Variants in MICAL2 observed in about 807,000 individuals in gnomAD.
MICAL2 encodes the protein [F-actin]-monooxygenase MICAL2.
MICAL2 carries 77 observed loss-of-function variants against 127.3 expected under a neutral mutation model. The observed-to-expected ratio is 0.60, with a 90% CI of 0.50 to 0.73. MICAL2 has a LOEUF of 0.73. Ranked by LOEUF, MICAL2 falls within the 30% of genes least tolerant of loss-of-function variation. The pLI, the probability that MICAL2 is intolerant of heterozygous loss-of-function variation, is 0.00. For synonymous variants in MICAL2, 570 were observed against 551.1 expected (o/e 1.03, Z -0.48); for missense variants, 1,351 against 1,434.4 (o/e 0.94, Z 0.94).
chr11:12,188,548 C>G (rs1858633028), intron 3 of MICAL2, among the ~76,000 whole-genome samples: 1 of 152,124 alleles, frequency 6.6e-6, no homozygotes, highest in Admixed American at 6.5e-5. Context: ...TTATCTGGTC[C>G]CAAATGTAGT....
intron 13 of MICAL2, chr11:12,225,808 A>G (rs961066160): frequency 7.5e-5 from 22 of 291,434 alleles, no homozygotes; most frequent in African/African-American, 4.1e-4. Context: ...TATATGCTAT[A>G]TAACTTGATG....
downstream of MICAL2, among the ~76,000 whole-genome samples, chr11:12,265,597 C>A (rs1435312282): frequency 6.6e-6 from 1 of 152,086 alleles, no homozygotes; most frequent in East Asian, 1.9e-4. Flanking sequence ...CAAAGAAGTT[C>A]ATTGCATGGT....
At chr11:12,206,209 G>A (rs191225319) in intron 4 of MICAL2, among the ~76,000 whole-genome samples, 14 of 152,250 alleles carry the variant, frequency 9.2e-5, no homozygotes, top group Admixed American at 2.0e-4. Flanking sequence ...AAGTTCTCTT[G>A]GGGGGCAGAA....
intron 1 of MICAL2, among the ~76,000 whole-genome samples, chr11:12,135,576 C>T (rs1565012084): frequency 6.6e-6 from 1 of 152,208 alleles, no homozygotes; most frequent in Non-Finnish European, 1.5e-5. Flanking sequence ...TGGGTGCTAA[C>T]ATCATCCACA....
At chr11:12,318,832 C>G (rs1590735580) in intron 29 of MICAL2, among the ~76,000 whole-genome samples, 1 of 152,242 alleles carries the variant, frequency 6.6e-6, no homozygotes, top group South Asian at 2.1e-4. Context: ...CACACATGGT[C>G]CCCGGCCAGA....
chr11:12,130,867 T>C (rs1338871210), intron 1 of MICAL2, among the ~76,000 whole-genome samples: 2 of 152,108 alleles, frequency 1.3e-5, no homozygotes, highest in Non-Finnish European at 2.9e-5. Context: ...CTTATGGAGG[T>C]GGACCCTGAT....
chr11:12,208,704 T>C (rs1457828815), intron 5 of MICAL2, among the ~76,000 whole-genome samples: 1 of 152,258 alleles, frequency 6.6e-6, no homozygotes, highest in Non-Finnish European at 1.5e-5. Flanking sequence ...TTTAAATTCT[T>C]ATCCCTTACA....
intron 32 of MICAL2, among the ~76,000 whole-genome samples, chr11:12,330,461 T>A (rs1864402752): frequency 6.6e-6 from 1 of 152,128 alleles, no homozygotes; most frequent in Non-Finnish European, 1.5e-5. Flanking sequence ...TCTGCGACAG[T>A]TATGCAAGGC....
intron 20 of MICAL2, among the ~76,000 whole-genome samples, chr11:12,243,617 C>T (rs996909814): frequency 6.6e-6 from 1 of 152,224 alleles, no homozygotes; most frequent in African/African-American, 2.4e-5. Flanking sequence ...GCTGTGGCCA[C>T]CTGCCCTAAA....
At chr11:12,259,635 C>A (rs1372789969) in intron 25 of MICAL2, 160 bp from the exon 26 acceptor site, 5 of 589,518 alleles carry the variant, frequency 8.5e-6, no homozygotes, top group Non-Finnish European at 1.4e-5. Context: ...GAAAAGTGCC[C>A]GTGTTCAGCA....
At chr11:12,228,561 T>A (rs1305646356) in intron 15 of MICAL2, among the ~76,000 whole-genome samples, 1 of 152,082 alleles carries the variant, frequency 6.6e-6, no homozygotes, top group Non-Finnish European at 1.5e-5. Flanking sequence ...GGGAGAAAAC[T>A]GAGAACCAAG....
chr11:12,121,287 CG>C (rs1850488262), intron 1 of MICAL2, among the ~76,000 whole-genome samples: 1 of 152,126 alleles, frequency 6.6e-6, no homozygotes, highest in East Asian at 1.9e-4. Flanking sequence ...ATAGGGCAGT[CG>C]AGGTGCTGAG....
chr11:12,184,144 T>C (rs1203664033), intron 3 of MICAL2, among the ~76,000 whole-genome samples: 2 of 152,152 alleles, frequency 1.3e-5, no homozygotes, highest in African/African-American at 4.8e-5. Flanking sequence ...AATTGAAAAA[T>C]GATAATAGTC....
chr11:12,320,390 A>T (rs779807367), intron 30 of MICAL2, among the ~76,000 whole-genome samples: 7 of 152,206 alleles, frequency 4.6e-5, no homozygotes, highest in Non-Finnish European at 7.3e-5. Context: ...TCCATAGATT[A>T]AAAAAACACA....
intron 29 of MICAL2, among the ~76,000 whole-genome samples, chr11:12,316,165 A>G (rs1322216555): frequency 6.6e-6 from 1 of 152,028 alleles, no homozygotes; most frequent in Non-Finnish European, 1.5e-5. Flanking sequence ...TATATTTAAA[A>G]TGAATTTATT....
rs151127033 is a variant in MICAL2, at chr11:12,232,768, A to G, written c.1996-3409A>G. ...AAATTATGTTACTAACACTAGCCTCACTAATAGTGTCTAATACTTGTACAG... is the reference window on the plus strand; with the variant it reads ...AAATTATGTTACTAACACTAGCCTCGCTAATAGTGTCTAATACTTGTACAG... On this transcript the variant is annotated intron_variant, in intron 15 of 27. Transcript: ENST00000683283. Among the ~76,000 whole-genome samples, 4 of 152,334 alleles carry G rather than the reference A, an allele frequency of 2.6e-5. No homozygotes were observed. In the East Asian group the frequency reaches 7.7e-4, roughly 29 times the overall value.
At chr11:12,344,910 A>G (rs985452879) in intron 32 of MICAL2, among the ~76,000 whole-genome samples, 3 of 151,402 alleles carry the variant, frequency 2.0e-5, no homozygotes, top group African/African-American at 7.3e-5. Flanking sequence ...TATGGAGACC[A>G]TCATGGCTAA....
rs150653718 is a variant in MICAL2 at position 12,204,998 on chromosome 11, T to C, written c.472+541T>C. Among the ~76,000 whole-genome samples the C allele has an allele frequency of 5.3e-5, 8 of 152,288 alleles. No individual in the cohort carries two copies. In the East Asian group the frequency reaches 1.5e-3, roughly 29 times the overall value. On this transcript the variant is annotated intron_variant, in intron 4 of 27. Coordinates refer to ENST00000683283, the MANE Select transcript of MICAL2 (RefSeq NM_001282663.2). ...GTTGCTGGGGAGCCATGGCAGGTTT[T>C]AGAGCAGAGGAAAGAAATAATTGGA...
At chr11:12,340,966 C>T (rs1938855094) in intron 32 of MICAL2, among the ~76,000 whole-genome samples, 1 of 152,206 alleles carries the variant, frequency 6.6e-6, no homozygotes, top group South Asian at 2.1e-4. Context: ...GCATCTTGGG[C>T]TTGTCAAGAC....
Sources: gnomAD v4.1 joint callset for allele counts (sites outside exome capture counted in the v4.1 genomes callset) on GRCh38, gnomAD v4.1.1 for gene constraint, MANE v1.5 for transcripts, NCBI Gene and HGNC (gene_info 2026-07-23, HGNC 2026-07-21) for gene names.